Variants in OXTR observed in about 807,000 individuals in gnomAD.
OXTR encodes the protein oxytocin receptor.
A neutral mutation model predicts 23.9 loss-of-function variants in OXTR; 19 were observed. The ratio of observed to expected loss-of-function variants is 0.80; its 90% CI spans 0.56 to 1.17. The LOEUF (loss-of-function observed/expected upper bound fraction) is 1.17, where lower values mean the gene tolerates loss of function less well. Ranked by LOEUF, OXTR falls within the 50% of genes most tolerant of loss-of-function variation. The pLI, the probability that OXTR is intolerant of heterozygous loss-of-function variation, is 0.00. For synonymous variants in OXTR, 278 were observed against 250.5 expected, an observed-to-expected ratio of 1.11 and a Z score of -1.04; for missense variants, 500 against 550.7, an observed-to-expected ratio of 0.91 and a Z score of 0.92.
chr3:8,745,689 C>T, downstream of OXTR: 1 of 1,614,188 alleles, frequency 6.2e-7, no homozygotes, highest in Non-Finnish European at 8.5e-7. This position sits in a 1 kb window ranked among gnomAD's most constrained non-coding sequence, Gnocchi z 4.8. Context: ...TTCCTGTTCG[C>T]CTGCATCTCC....
downstream of OXTR, among the ~76,000 whole-genome samples, chr3:8,748,345 A>G (rs1490333217): frequency 6.6e-6 from 1 of 152,216 alleles, no homozygotes; most frequent in Non-Finnish European, 1.5e-5. Context: ...ATTCAGGGAC[A>G]TCATACATGA....
intron 3 of OXTR, among the ~76,000 whole-genome samples, chr3:8,763,437 A>C (rs1708533601): frequency 6.6e-6 from 1 of 152,050 alleles, no homozygotes; most frequent in Non-Finnish European, 1.5e-5. Flanking sequence ...AGAGACCCCA[A>C]ATCCTGTCCA....
At chr3:8,747,655 T>C (rs1708192353), downstream of OXTR, among the ~76,000 whole-genome samples, 1 of 152,214 alleles carries the variant, frequency 6.6e-6, no homozygotes, top group Non-Finnish European at 1.5e-5. Flanking sequence ...GCCTGCTGCC[T>C]GTGCTCTCCC....
chr3:8,748,886 A>G (rs543096464), downstream of OXTR, among the ~76,000 whole-genome samples: 1 of 152,036 alleles, frequency 6.6e-6, no homozygotes, highest in South Asian at 2.1e-4. Flanking sequence ...TATGTGTCAG[A>G]TTTTTTTTTC....
chr3:8,760,110 C>T (rs2125000852), intron 3 of OXTR, among the ~76,000 whole-genome samples: 1 of 152,348 alleles, frequency 6.6e-6, no homozygotes, highest in South Asian at 2.1e-4. Context: ...GACTCCCACT[C>T]CATCAGCTAC....
the OXTR span, among the ~76,000 whole-genome samples, chr3:8,743,386 C>G: frequency 6.6e-6 from 1 of 152,032 alleles, no homozygotes; most frequent in Admixed American, 6.6e-5. Flanking sequence ...TCCCGAAGTC[C>G]CCTAAATTCC....
At chr3:8,742,727 TGTGG>T in the OXTR span, 1 of 300,088 alleles carries the variant, frequency 3.3e-6, no homozygotes, top group Non-Finnish European at 6.7e-6. Context: ...TATTTGGATG[TGTGG>T]GTGGGTGGAT....
chr3:8,753,284 C>A, intron 3 of OXTR, 60 bp from the exon 4 acceptor site: 1 of 1,570,000 alleles, frequency 6.4e-7, no homozygotes, highest in Admixed American at 1.8e-5. Flanking sequence ...GGAGCCACTT[C>A]CAGACCTATC....
chr3:8,760,048 G>A (rs62243367), intron 3 of OXTR, among the ~76,000 whole-genome samples: 2,285 of 152,260 alleles, frequency 0.015, 20 homozygotes, highest in Non-Finnish European at 0.022. Context: ...GCCACCATGC[G>A]CCAACTGGAC....
chr3:8,741,450 C>A, the OXTR span, among the ~76,000 whole-genome samples: 2 of 152,154 alleles, frequency 1.3e-5, no homozygotes, highest in Non-Finnish European at 2.9e-5. Flanking sequence ...TGGGATCTGG[C>A]AAAAGCTAAG....
chr3:8,767,963 G>A lies in OXTR; in HGVS notation c.225C>T (p.Phe75=), dbSNP rs2125008120. The A allele has an allele frequency of 6.2e-7, 1 of 1,612,794 alleles. No individual in the cohort carries two copies. The highest frequency in any genetic ancestry group is 8.5e-7 in the Non-Finnish European group (1 of 1,179,596). Reference sequence around the variant, plus strand: ...CGATGCTTAGGTGCTTCATGAAGAAGAAGAGGCGCGAGTGCTTCTGGCGTG... The same window carrying A: ...CGATGCTTAGGTGCTTCATGAAGAAAAAGAGGCGCGAGTGCTTCTGGCGTG... The part of the protein sequence containing the change: ...RTTRQKHSRL[F]FFMKHLSIAD... The change falls in exon 3 of 4, where the codon TTC becomes TTT. Residue 75 remains phenylalanine (F), a synonymous_variant. Transcript: ENST00000316793.
intron 3 of OXTR, among the ~76,000 whole-genome samples, chr3:8,756,387 A>G (rs1279073751): frequency 6.6e-6 from 1 of 152,200 alleles, no homozygotes; most frequent in Non-Finnish European, 1.5e-5. Flanking sequence ...AAGGGCACAC[A>G]GCAAGTCACC....
At position 8,751,854 on chromosome 3, in the gene OXTR, G is replaced by A. The variant is rs202169702; in HGVS notation, c.*1123C>T. The A allele has an allele frequency of 6.6e-6, 1 of 152,136 alleles. No homozygotes were observed. The highest frequency in any genetic ancestry group is 2.4e-5 in the African/African-American group (1 of 41,500). The allele number at this position is 152,136 out of a possible 1,614,324, so 9.4% of individuals were successfully genotyped here. A position where few individuals can be genotyped will look rare whatever the true frequency, so the allele number is the denominator to read the frequency against. On this transcript the variant is annotated 3_prime_UTR_variant, in exon 4 of 4. Coordinates refer to ENST00000316793, the MANE Select transcript of OXTR (RefSeq NM_000916.4). Reference sequence around the variant, plus strand: ...CTTATTTGGATATTCTGGGTCCCTTGCATTTCTTTATGAATTTTGGGACTA... The same window carrying A: ...CTTATTTGGATATTCTGGGTCCCTTACATTTCTTTATGAATTTTGGGACTA...
At chr3:8,741,321 T>G in the OXTR span, among the ~76,000 whole-genome samples, 2 of 152,234 alleles carry the variant, frequency 1.3e-5, no homozygotes, top group East Asian at 3.8e-4. Flanking sequence ...ATAAAATTAC[T>G]GCATCAAATT....
chr3:8,753,422 G>T (rs568262212), intron 3 of OXTR, among the ~76,000 whole-genome samples, 198 bp from the exon 4 acceptor site: 146 of 152,296 alleles, frequency 9.6e-4, no homozygotes, highest in African/African-American at 3.4e-3. Context: ...CCCTCAGGCT[G>T]TCCTCCAAAC....
At position 8,753,157 on chromosome 3, in the gene OXTR, C is replaced by T. The variant is rs199499721; in HGVS notation, c.990G>A (p.Met330Ile). 5.9e-5 allele frequency: 96 copies of T among 1,613,974 alleles called. No individual in the cohort carries two copies. Among genetic ancestry groups the T allele is most frequent in the Non-Finnish European group, 7.7e-5 (91 of 1,180,048 alleles). Residue 330 changes from methionine to isoleucine, a missense_variant, in exon 4 of 4, where the codon ATG becomes ATA. Coordinates refer to ENST00000316793, the MANE Select transcript of OXTR (RefSeq NM_000916.4). Reference sequence around the variant, plus strand: ...CGTGGAAGAGGTGGCCCGTGAACAGCATGTAGATCCAGGGGTTGCAGCAGC... The same window carrying T: ...CGTGGAAGAGGTGGCCCGTGAACAGTATGTAGATCCAGGGGTTGCAGCAGC... ...LNSCCNPWIY[M>I]LFTGHLFHEL...
chr3:8,742,513 G>C, the OXTR span: 1 of 456,462 alleles, frequency 2.2e-6, no homozygotes. Flanking sequence ...TGAGACACAC[G>C]CAGACTCATT....
the OXTR span, among the ~76,000 whole-genome samples, chr3:8,744,472 A>C: frequency 1.5e-5 from 1 of 68,696 alleles, no homozygotes. Flanking sequence ...TTTTTTTTGT[A>C]TTTTTAGTAG....
chr3:8,766,700 C>G (rs1708616290), intron 3 of OXTR, among the ~76,000 whole-genome samples: 2 of 151,058 alleles, frequency 1.3e-5, no homozygotes, highest in African/African-American at 2.5e-5. Context: ...CCTCTGCCCC[C>G]CAACACCCCC....
Sources: gnomAD v4.1 joint callset for allele counts (sites outside exome capture counted in the v4.1 genomes callset) on GRCh38, gnomAD v4.1.1 for gene constraint, Gnocchi (gnomAD v3.1) non-coding constraint, MANE v1.5 for transcripts, NCBI Gene and HGNC (gene_info 2026-07-23, HGNC 2026-07-21) for gene names.